The following HDAC9 variants were observed in gnomAD, a reference collection of about 807,000 sequenced individuals.
The protein encoded by HDAC9 is histone deacetylase 9, also known as MEF-2 interacting transcription repressor (MITR) protein.
HDAC9 carries 41 observed loss-of-function variants against 139.4 expected under a neutral mutation model. That is an observed-to-expected ratio of 0.29 (90% CI 0.23 to 0.38). The LOEUF (loss-of-function observed/expected upper bound fraction) is 0.38, where lower values mean the gene tolerates loss of function less well. Ranked by LOEUF, HDAC9 falls within the 10% of genes least tolerant of loss-of-function variation. HDAC9 has a pLI of 1.00. For synonymous variants in HDAC9, 517 were observed against 476.2 expected (o/e 1.09, Z -1.12); for missense variants, 1,147 against 1,297.0 (o/e 0.88, Z 1.78).
chr7:18,904,157 T>A lies in HDAC9; in HGVS notation c.2803+29561T>A, dbSNP rs537898803. Among the ~76,000 whole-genome samples, 7 of 152,364 alleles carry A rather than the reference T, an allele frequency of 4.6e-5. No homozygotes were observed. In the South Asian group the frequency reaches 1.4e-3, roughly 32 times the overall value. Reference sequence around the variant, plus strand: ...CCCGATTTCTTTTAAGTAGATAAAGTTTACTTTCTACTTTAGTGGCAAGTA... The same window carrying A: ...CCCGATTTCTTTTAAGTAGATAAAGATTACTTTCTACTTTAGTGGCAAGTA... On this transcript the variant is annotated intron_variant, in intron 22 of 25. Transcript: ENST00000686413.
chr7:18,667,804 C>T (rs546582024), intron 12 of HDAC9: 21 of 984,652 alleles, frequency 2.1e-5, no homozygotes, highest in East Asian at 1.1e-4. Context: ...GAAATTGTTA[C>T]GGAAGCTTTT....
intron 22 of HDAC9, among the ~76,000 whole-genome samples, chr7:18,913,535 C>A (rs775144893): frequency 1.3e-5 from 2 of 152,028 alleles, no homozygotes; most frequent in Non-Finnish European, 2.9e-5. Context: ...AATTTTCTTT[C>A]TGTTTCCTTT....
intron 21 of HDAC9, among the ~76,000 whole-genome samples, chr7:18,872,576 G>C (rs576295308): frequency 9.9e-5 from 15 of 152,230 alleles, no homozygotes; most frequent in African/African-American, 3.4e-4. Context: ...TTTTCAGTTA[G>C]TTTCTCCAAG....
chr7:18,213,765 G>A (rs1382435715), intron 2 of HDAC9, among the ~76,000 whole-genome samples: 1 of 152,088 alleles, frequency 6.6e-6, no homozygotes, highest in African/African-American at 2.4e-5. Context: ...TTGGAAAAGC[G>A]TATTTAAGCC....
chr7:18,954,374 C>T (rs529674108), intron 24 of HDAC9, 144 bp downstream of exon 24: 8 of 641,216 alleles, frequency 1.2e-5, no homozygotes, highest in Non-Finnish European at 1.8e-5. Flanking sequence ...ATGTGTTGCT[C>T]TTAATGCAGC....
chr7:18,697,558 G>C (rs951586018), intron 12 of HDAC9, among the ~76,000 whole-genome samples: 2 of 152,042 alleles, frequency 1.3e-5, no homozygotes, highest in Non-Finnish European at 2.9e-5. Context: ...AACATCTGAA[G>C]CTTTTTGTCC....
chr7:18,848,506 C>T (rs909410731), intron 21 of HDAC9, among the ~76,000 whole-genome samples: 3 of 151,658 alleles, frequency 2.0e-5, no homozygotes, highest in Non-Finnish European at 4.4e-5. Context: ...GCACACACAC[C>T]GAGGCAAGGC....
intron 6 of HDAC9, among the ~76,000 whole-genome samples, chr7:18,608,760 T>G (rs1348872883): frequency 1.3e-5 from 2 of 152,194 alleles, no homozygotes; most frequent in Non-Finnish European, 2.9e-5. Context: ...GACATAAATA[T>G]TAAATAAACC....
At chr7:18,762,343 G>A in intron 15 of HDAC9, 66 bp downstream of exon 15, 1 of 1,569,880 alleles carries the variant, frequency 6.4e-7, no homozygotes, top group Admixed American at 1.8e-5. Context: ...CAACGCTGGT[G>A]TCAGTTCAAA....
intron 22 of HDAC9, among the ~76,000 whole-genome samples, chr7:18,908,944 A>G (rs1157065931): frequency 6.6e-6 from 1 of 152,068 alleles, no homozygotes; most frequent in Non-Finnish European, 1.5e-5. Context: ...GCTGGAGCAT[A>G]CAGTCATTCT....
At chr7:18,422,527 G>A (rs939523062) in intron 1 of HDAC9, among the ~76,000 whole-genome samples, 10 of 152,002 alleles carry the variant, frequency 6.6e-5, no homozygotes, top group Non-Finnish European at 1.5e-5. Context: ...TAATAGTGGT[G>A]GTCTCTAAAG....
intron 1 of HDAC9, among the ~76,000 whole-genome samples, chr7:18,137,331 C>G (rs1280554232): frequency 1.3e-5 from 2 of 149,276 alleles, no homozygotes; most frequent in African/African-American, 5.0e-5. Context: ...GCCAGAACTT[C>G]CAACAGTATG....
intron 1 of HDAC9, among the ~76,000 whole-genome samples, chr7:18,128,369 T>C (rs1784803424): frequency 1.3e-5 from 2 of 152,050 alleles, no homozygotes; most frequent in African/African-American, 4.8e-5. Context: ...GCTAACAGTA[T>C]GTTATGGATG....
At chr7:18,782,284 G>A (rs548396974) in intron 16 of HDAC9, among the ~76,000 whole-genome samples, 1 of 152,144 alleles carries the variant, frequency 6.6e-6, no homozygotes, top group South Asian at 2.1e-4. Context: ...TTTGTTAATG[G>A]GCACAATAGT....
chr7:18,956,118 C>T (rs1783126936), intron 24 of HDAC9, among the ~76,000 whole-genome samples: 1 of 152,074 alleles, frequency 6.6e-6, no homozygotes, highest in African/African-American at 2.4e-5. Context: ...TCAAAACTTG[C>T]TGTAGGAGTA....
chr7:18,087,407 G>C (rs193073803), intron 1 of HDAC9, among the ~76,000 whole-genome samples: 1 of 152,274 alleles, frequency 6.6e-6, no homozygotes, highest in East Asian at 1.9e-4. Flanking sequence ...GGGAACCTTC[G>C]TCAGAAGTTG....
In HDAC9 at chr7:18,594,730, G is replaced by A. The variant is rs1413071385; in HGVS notation, c.664+701G>A. On this transcript the variant is annotated intron_variant, in intron 6 of 25. Coordinates refer to ENST00000686413, the MANE Select transcript of HDAC9 (RefSeq NM_178425.4). ...ATTTAATGTCTTATATGCTTTTACT[G>A]CTATAATAAATGTTTAACTAGATAT... 2.0e-5 allele frequency among the ~76,000 whole-genome samples: 3 copies of A among 151,782 alleles called. No homozygotes were observed. In the South Asian group the frequency reaches 6.2e-4, roughly 32 times the overall value.
chr7:18,809,545 A>G (rs1794006864), intron 17 of HDAC9, among the ~76,000 whole-genome samples: 1 of 152,046 alleles, frequency 6.6e-6, no homozygotes, highest in South Asian at 2.1e-4. Context: ...TTGAATAAAC[A>G]TTTCTTAAAG....
chr7:18,273,706 T>C (rs302173), intron 2 of HDAC9, among the ~76,000 whole-genome samples: 118,311 of 152,160 alleles, frequency 0.78, 46,142 homozygotes, highest in South Asian at 0.87. Context: ...TAATTATGAA[T>C]AAAAATGATG....
Sources: allele counts gnomAD v4.1 joint callset (sites outside exome capture counted in the v4.1 genomes callset), GRCh38; gene constraint gnomAD v4.1.1; transcripts MANE v1.5; gene names NCBI Gene and HGNC (gene_info 2026-07-23, HGNC 2026-07-21).